KLC3: variants seen among roughly 807,000 people sequenced by gnomAD.
The protein encoded by KLC3 is kinesin light chain 3.
KLC3 carries 72 observed loss-of-function variants against 62.9 expected under a neutral mutation model. The ratio of observed to expected loss-of-function variants is 1.15; its 90% CI spans 0.95 to 1.39. The LOEUF is 1.39. Among genes scored for constraint, KLC3 ranks in the 40% most tolerant of loss-of-function variants. The pLI is 0.00. For synonymous variants in KLC3, 377 were observed against 300.5 expected (o/e 1.25, Z -2.63); for missense variants, 848 against 691.6 (o/e 1.23, Z -2.54).
rs376909138 is a variant in KLC3, at chr19:45,351,273, T to G, written c.1444-13T>G. 1.3e-5 allele frequency: 21 copies of G among 1,611,870 alleles called. No individual in the cohort carries two copies. The African/African-American group carries it at 2.7e-4, about 21-fold the overall frequency. ...TCACCTCCCCTCCAACCATCCCCTGTGCCTGTCTCCAGTTTCCCAGCTGGC... is the reference window on the plus strand; with the variant it reads ...TCACCTCCCCTCCAACCATCCCCTGGGCCTGTCTCCAGTTTCCCAGCTGGC... On this transcript the variant is annotated splice_polypyrimidine_tract_variant and intron_variant, in intron 12 of 12. Transcript: ENST00000391946.
Position 45,350,267 on chromosome 19 carries a change from A to G in KLC3, c.1144-74A>G, listed in dbSNP as rs887707112. On this transcript the variant is annotated intron_variant, in intron 8 of 12. Coordinates refer to ENST00000391946, the MANE Select transcript of KLC3 (RefSeq NM_177417.3). ...CAAGACCCCTGTCTCTACAAAAAAA[A>G]AAAAAAAGGCGGGACTGGATGCAGT... is the stretch of plus-strand genomic sequence containing the variant. 4.9e-6 allele frequency: 6 copies of G among 1,212,496 alleles called. No individual in the cohort carries two copies. In the African/African-American group the frequency reaches 9.2e-5, roughly 19 times the overall value. The allele number at this position is 1,212,496 out of a possible 1,614,324, so 75.1% of individuals were successfully genotyped here. A position where few individuals can be genotyped will look rare whatever the true frequency, so the allele number is the denominator to read the frequency against.
Position 45,350,330 on chromosome 19 carries a change from C to CT in KLC3, c.1144-9dup. 1 of 1,612,042 alleles carries CT rather than the reference C, an allele frequency of 6.2e-7. No homozygotes were observed. The highest frequency in any genetic ancestry group is 8.5e-7 in the Non-Finnish European group (1 of 1,179,364). ...GGTCCGAAAAGTTCCCAGACACTCC[C>CT]TTCTCCGCAGGCCTCAGCCTACCTG... On this transcript the variant is annotated splice_polypyrimidine_tract_variant and intron_variant, in intron 8 of 12. Coordinates refer to ENST00000391946, the MANE Select transcript of KLC3 (RefSeq NM_177417.3).
At chr19:45,345,363 A>T in intron 1 of KLC3, 171 bp from the exon 2 acceptor site, 1 of 790,616 alleles carries the variant, frequency 1.3e-6, no homozygotes, top group Non-Finnish European at 2.1e-6. Context: ...GGGTGTGGAG[A>T]CTGGGATGGA....
chr19:45,349,431 C>A lies in KLC3; in HGVS notation c.972C>A (p.Val324=), dbSNP rs1455122828. 9 of 1,603,838 alleles carry A rather than the reference C, an allele frequency of 5.6e-6. No individual in the cohort carries two copies. Among genetic ancestry groups the A allele is most frequent in the Non-Finnish European group, 7.7e-6 (9 of 1,173,726 alleles). ...GACTTGTGACCCCTGGCCCCCAGGT[C>A]CTGGGTGCTGACCACCCAGATGTGG... ...CQRALEIREK[V]LGADHPDVAK... is the part of the protein sequence containing the mutation. The change falls in exon 8 of 13, where the codon GTC becomes GTA. Residue 324 remains valine, a splice_region_variant and synonymous_variant. Transcript: ENST00000391946.
chr19:45,344,529 T>C (rs964093183), intron 1 of KLC3, among the ~76,000 whole-genome samples: 5 of 152,042 alleles, frequency 3.3e-5, no homozygotes, highest in Non-Finnish European at 5.9e-5. Flanking sequence ...CCATGTTGTA[T>C]TGGAGAGAAG....
At position 45,347,939 on chromosome 19, in the gene KLC3, A is replaced by G; in HGVS notation, c.560-2A>G. On this transcript the variant is annotated splice_acceptor_variant, in intron 4 of 12. Coordinates refer to ENST00000391946, the MANE Select transcript of KLC3 (RefSeq NM_177417.3). LOFTEE classifies it high-confidence loss of function. ...ACCCAGAGCCCACCCCACCCCACCT[A>G]GGTCCTGAGGCCGCAGGAGCAGCAG... 6.3e-7 allele frequency: 1 copy of G among 1,597,716 alleles called. No homozygotes were observed. The highest frequency in any genetic ancestry group is 1.1e-5 in the South Asian group (1 of 88,488).
chr19:45,346,143 CAGAGAG>C (rs754942860), intron 2 of KLC3, among the ~76,000 whole-genome samples: 1 of 151,918 alleles, frequency 6.6e-6, no homozygotes, highest in African/African-American at 2.4e-5. Flanking sequence ...GTCTGGGTGA[CAGAGAG>C]AGACTGTCCC....
chr19:45,349,761 G>A, intron 8 of KLC3, 159 bp downstream of exon 8: 1 of 685,342 alleles, frequency 1.5e-6, no homozygotes. Flanking sequence ...GCTCAGCACA[G>A]AACACGGAAT....
Position 45,350,673 on chromosome 19 carries a change from CCG to C in KLC3, c.1306_1307del (p.Arg436Ter), listed in dbSNP as rs1568527784. 3.7e-6 allele frequency: 6 copies of C among 1,613,786 alleles called. No individual in the cohort carries two copies. In the Admixed American group the frequency reaches 6.7e-5, roughly 18 times the overall value. The stretch of plus-strand genomic sequence containing the variant: ...GCCGCAGCAGCTCACTCTCCAAGAT[CCG>C]TGAGTCTATCAGGCGAGGAAGTGAG... ...LRRSSSLSKI[R>X]ESIRRGSEKL... On this transcript the variant is annotated frameshift_variant, in exon 11 of 13. Transcript: ENST00000391946. LOFTEE classifies it high-confidence loss of function.
rs757200055 is a variant in KLC3 at position 45,350,510 on chromosome 19, CT to C, written c.1235-3del. The C allele has an allele frequency of 1.3e-5, 21 of 1,613,784 alleles. No homozygotes were observed. The highest frequency in any genetic ancestry group is 1.6e-4 in the Middle Eastern group (1 of 6,080). ...ATCTCAGTGTCCCCCATCTTTCCCC[CT>C]AGGTGCCCCCAACACAGGCACAGCT... On this transcript the variant is annotated splice_region_variant and splice_polypyrimidine_tract_variant and intron_variant, in intron 9 of 12. Coordinates refer to ENST00000391946, the MANE Select transcript of KLC3 (RefSeq NM_177417.3).
Position 45,348,926 on chromosome 19 carries a change from C to A in KLC3, c.969+5C>A, listed in dbSNP as rs1228106883. 6.4e-7 allele frequency: 1 copy of A among 1,570,278 alleles called. No homozygotes were observed. The highest frequency in any genetic ancestry group is 2.3e-5 in the East Asian group (1 of 43,016). On this transcript the variant is annotated splice_donor_5th_base_variant and intron_variant, in intron 7 of 12. Transcript: ENST00000391946. ...GCTTTGGAGATCCGAGAGAAGGTCC[C>A]ATCCCCCTCACCCCACCCCGAGGAA...
Position 45,350,543 on chromosome 19 carries a change from G to A in KLC3, c.1264G>A (p.Ala422Thr), listed in dbSNP as rs199738278. 210 of 1,613,876 alleles carry A rather than the reference G, an allele frequency of 1.3e-4. No homozygotes were observed. Among genetic ancestry groups the A allele is most frequent in the Middle Eastern group, 1.7e-4 (1 of 6,060 alleles). The change falls in exon 10 of 13, where the codon GCA (alanine) becomes ACA (threonine). Residue 422 changes from alanine (A) to threonine (T), a missense_variant. Transcript: ENST00000391946. ...GAPNTGTAGD[A>T]EQALRRSSSL... ...CCCCAACACAGGCACAGCTGGTGAC[G>A]CAGAACAGGTGAGGATGGGCTGTGC...
rs753532858 is a variant in KLC3 at position 45,350,292 on chromosome 19, T to C, written c.1144-49T>C. 5.0e-6 allele frequency: 7 copies of C among 1,410,694 alleles called. No individual in the cohort carries two copies. In the Admixed American group the frequency reaches 9.2e-5, roughly 18 times the overall value. 87.4% of individuals were successfully genotyped at this position (1,410,694 alleles called of 1,614,324 possible). ...AAAAAAAAGGCGGGACTGGATGCAG[T>C]GTTGGGAACTGGGGTCCGAAAAGTT... On this transcript the variant is annotated intron_variant, in intron 8 of 12. Coordinates refer to ENST00000391946, the MANE Select transcript of KLC3 (RefSeq NM_177417.3).
At chr19:45,341,772 T>C (rs1188342868) in intron 1 of KLC3, among the ~76,000 whole-genome samples, 1 of 60,330 alleles carries the variant, frequency 1.7e-5, no homozygotes, top group African/African-American at 5.2e-5. Flanking sequence ...TGAAGCCGTG[T>C]GTGCGTGTGT....
At chr19:45,347,878 C>G in intron 4 of KLC3, 63 bp from the exon 5 acceptor site, 1 of 1,381,514 alleles carries the variant, frequency 7.2e-7, no homozygotes, top group Non-Finnish European at 1.0e-6. Context: ...CACGTGTCCC[C>G]TCATGCGAGG....
intron 2 of KLC3, among the ~76,000 whole-genome samples, chr19:45,346,002 C>A (rs991106879): frequency 6.6e-6 from 1 of 152,038 alleles, no homozygotes; most frequent in Non-Finnish European, 1.5e-5. Context: ...CCCATCTCTA[C>A]TAAAAATACA....
intron 1 of KLC3, among the ~76,000 whole-genome samples, chr19:45,342,275 A>G (rs571476160): frequency 6.6e-6 from 1 of 152,158 alleles, no homozygotes; most frequent in East Asian, 1.9e-4. Context: ...GAGAATAGGT[A>G]TGGTGTGATA....
In KLC3 at chr19:45,345,526, C is replaced by G. The variant is rs1335127636; in HGVS notation, c.-8-8C>G. On this transcript the variant is annotated splice_polypyrimidine_tract_variant and splice_region_variant and intron_variant, in intron 1 of 12. Coordinates refer to ENST00000391946, the MANE Select transcript of KLC3 (RefSeq NM_177417.3). ...TGATTCCCCAAACCCCTCACCATTGCTCCCCAGGAGCAGCAATGTCTGTGC... is the reference window on the plus strand; with the variant it reads ...TGATTCCCCAAACCCCTCACCATTGGTCCCCAGGAGCAGCAATGTCTGTGC... 1 of 1,558,850 alleles carries G rather than the reference C, an allele frequency of 6.4e-7. No individual in the cohort carries two copies. The highest frequency in any genetic ancestry group is 8.7e-7 in the Non-Finnish European group (1 of 1,151,960).
At chr19:45,348,488 C>T (rs370679255) in intron 5 of KLC3, among the ~76,000 whole-genome samples, 158 bp from the exon 6 acceptor site, 160 of 152,220 alleles carry the variant, frequency 1.1e-3, no homozygotes, top group Middle Eastern at 3.4e-3. Flanking sequence ...TAGAGAATTG[C>T]GAAATATGGA....
Sources: allele counts gnomAD v4.1 joint callset (sites outside exome capture counted in the v4.1 genomes callset), GRCh38; gene constraint gnomAD v4.1.1; transcripts MANE v1.5; gene names NCBI Gene and HGNC (gene_info 2026-07-23, HGNC 2026-07-21).